TMEM117: variants seen among roughly 807,000 people sequenced by gnomAD.
TMEM117 encodes the protein transmembrane protein 117.
TMEM117 carries 27 observed loss-of-function variants against 52.4 expected under a neutral mutation model. That is an observed-to-expected ratio of 0.51 (90% CI 0.38 to 0.71). The LOEUF (loss-of-function observed/expected upper bound fraction) is 0.71. Among genes scored for constraint, TMEM117 ranks in the 30% least tolerant of loss-of-function variants. TMEM117 has a pLI of 0.00. For synonymous variants in TMEM117, 215 were observed against 206.3 expected (o/e 1.04, Z -0.36); for missense variants, 556 against 630.5 (o/e 0.88, Z 1.26).
In TMEM117 at chr12:44,208,366, A is replaced by C. The variant is rs1020695606; in HGVS notation, c.511-2924A>C. Among the ~76,000 whole-genome samples the C allele has an allele frequency of 3.3e-5, 5 of 152,174 alleles. No homozygotes were observed. In the East Asian group the frequency reaches 7.7e-4, roughly 23 times the overall value. ...GATTCTGAGACTCAAAGAGTTATGC[A>C]CATTTCTCCCAGCATAGAAAGATTT... is the stretch of plus-strand genomic sequence containing the variant. On this transcript the variant is annotated intron_variant, in intron 4 of 7. Coordinates refer to ENST00000266534, the MANE Select transcript of TMEM117 (RefSeq NM_032256.3).
At chr12:43,796,376 G>A in the TMEM117 span, among the ~76,000 whole-genome samples, 1 of 152,064 alleles carries the variant, frequency 6.6e-6, no homozygotes, top group Non-Finnish European at 1.5e-5. Flanking sequence ...TTAAGGACCT[G>A]TATTTTTATG....
intron 4 of TMEM117, among the ~76,000 whole-genome samples, chr12:44,185,736 A>G (rs1215404104): frequency 6.6e-6 from 1 of 152,104 alleles, no homozygotes; most frequent in Non-Finnish European, 1.5e-5. Flanking sequence ...AATCAAGTAG[A>G]TGGTCTTTGC....
At chr12:44,273,346 C>T (rs1950473017) in intron 5 of TMEM117, among the ~76,000 whole-genome samples, 1 of 150,960 alleles carries the variant, frequency 6.6e-6, no homozygotes. Flanking sequence ...GCACATGTAC[C>T]CTAGAACTTA....
At chr12:43,933,924 T>G (rs1273604126) in intron 2 of TMEM117, among the ~76,000 whole-genome samples, 2 of 152,232 alleles carry the variant, frequency 1.3e-5, no homozygotes, top group Admixed American at 6.5e-5. Flanking sequence ...TTACTTGAAT[T>G]ATAAAAATGG....
chr12:44,215,439 A>T (rs751936118), intron 5 of TMEM117, among the ~76,000 whole-genome samples: 4 of 152,198 alleles, frequency 2.6e-5, no homozygotes, highest in South Asian at 2.1e-4. Context: ...ATATGTATAG[A>T]TCTCTTCCAA....
intron 3 of TMEM117, among the ~76,000 whole-genome samples, chr12:44,089,839 G>C (rs1366457773): frequency 1.3e-5 from 2 of 152,062 alleles, no homozygotes; most frequent in Non-Finnish European, 2.9e-5. Context: ...GAGTCTTCTT[G>C]TTGTAAATAA....
chr12:43,956,766 C>T (rs1945315161), intron 3 of TMEM117, among the ~76,000 whole-genome samples: 2 of 152,178 alleles, frequency 1.3e-5, no homozygotes, highest in Non-Finnish European at 2.9e-5. Context: ...GATTTAGAAC[C>T]AGAAATACCA....
chr12:44,011,640 A>G (rs1946291114), intron 3 of TMEM117, among the ~76,000 whole-genome samples: 1 of 146,572 alleles, frequency 6.8e-6, no homozygotes. Context: ...AAATAGAGTA[A>G]TATAACTATA....
At chr12:44,015,320 G>A (rs148771417) in intron 3 of TMEM117, among the ~76,000 whole-genome samples, 2 of 152,228 alleles carry the variant, frequency 1.3e-5, no homozygotes, top group East Asian at 3.9e-4. Flanking sequence ...TCGATTCCAT[G>A]AAGAACATAT....
intron 3 of TMEM117, among the ~76,000 whole-genome samples, chr12:44,046,581 G>A (rs1275761204): frequency 2.6e-5 from 4 of 152,134 alleles, no homozygotes; most frequent in African/African-American, 7.2e-5. Flanking sequence ...AAAAAACCAC[G>A]ACCTGCCAAG....
At chr12:43,800,545 A>C in the TMEM117 span, 1 of 1,591,776 alleles carries the variant, frequency 6.3e-7, no homozygotes, top group African/African-American at 1.3e-5. Context: ...TCAGTTGTGA[A>C]AGTTTACTTA....
At chr12:44,025,333 GAATTAGATA>G (rs1946516510) in intron 3 of TMEM117, among the ~76,000 whole-genome samples, 2 of 152,226 alleles carry the variant, frequency 1.3e-5, no homozygotes, top group Non-Finnish European at 2.9e-5. Context: ...ATTTAAGAAG[GAATTAGATA>G]AACTCCAGAT....
At chr12:43,801,205 A>G in the TMEM117 span, among the ~76,000 whole-genome samples, 1 of 152,254 alleles carries the variant, frequency 6.6e-6, no homozygotes, top group Non-Finnish European at 1.5e-5. Context: ...ATTACGAATT[A>G]AGTTGTTAAG....
intron 3 of TMEM117, among the ~76,000 whole-genome samples, chr12:44,061,898 A>G (rs1383401891): frequency 6.6e-6 from 1 of 152,178 alleles, no homozygotes; most frequent in African/African-American, 2.4e-5. Flanking sequence ...GGCCATGAAT[A>G]AGAGGTGGTT....
intron 5 of TMEM117, among the ~76,000 whole-genome samples, chr12:44,247,829 T>A (rs1950149267): frequency 6.6e-6 from 1 of 152,088 alleles, no homozygotes; most frequent in Admixed American, 6.6e-5. Flanking sequence ...GGGGAGAGGG[T>A]GCTGTGATAG....
chr12:44,086,175 A>G (rs1818786010), intron 3 of TMEM117, among the ~76,000 whole-genome samples: 1 of 151,596 alleles, frequency 6.6e-6, no homozygotes, highest in African/African-American at 2.4e-5. Flanking sequence ...GAGTATTAAA[A>G]TGCTTTGGCT....
intron 3 of TMEM117, among the ~76,000 whole-genome samples, chr12:43,999,561 C>G (rs1946084243): frequency 6.6e-6 from 1 of 152,210 alleles, no homozygotes. Context: ...CTCACTCACT[C>G]TGCCTCCTGG....
At chr12:44,127,207 A>T (rs901912553) in intron 3 of TMEM117, among the ~76,000 whole-genome samples, 3 of 152,188 alleles carry the variant, frequency 2.0e-5, no homozygotes, top group Non-Finnish European at 4.4e-5. Flanking sequence ...GTTGATAGGC[A>T]TTGTATTTTT....
chr12:44,087,664 T>C (rs1452257753), intron 3 of TMEM117, among the ~76,000 whole-genome samples: 1 of 152,086 alleles, frequency 6.6e-6, no homozygotes, highest in Non-Finnish European at 1.5e-5. Context: ...GGGGTGTTGC[T>C]ATGTTGCCCA....
Sources: gnomAD v4.1 joint callset for allele counts (sites outside exome capture counted in the v4.1 genomes callset) on GRCh38, gnomAD v4.1.1 for gene constraint, MANE v1.5 for transcripts, NCBI Gene and HGNC (gene_info 2026-07-23, HGNC 2026-07-21) for gene names.